SLC38A7: variants seen among roughly 807,000 people sequenced by gnomAD.
SLC38A7 encodes solute carrier family 38 member 7, also known as sodium-coupled neutral amino acid transporter 7.
In SLC38A7, 29 loss-of-function variants were observed where a neutral mutation model predicts 50.1. That is an observed-to-expected ratio of 0.58 (90% CI 0.43 to 0.79). SLC38A7 has a LOEUF of 0.79. SLC38A7 is among the 30% of genes least tolerant of loss of function. The pLI, the probability that SLC38A7 is intolerant of heterozygous loss-of-function variation, is 0.00. For synonymous variants in SLC38A7, 244 were observed against 245.9 expected (o/e 0.99, Z 0.07); for missense variants, 483 against 610.6 (o/e 0.79, Z 2.20).
Position 58,680,096 on chromosome 16 carries a change from T to C in SLC38A7, c.31A>G (p.Ser11Gly). ...GCATCCGTGCTCAAGTCCCACTCGC[T>C]GTAGTCATTGTTGATGCTGACCTGG... is the stretch of plus-strand genomic sequence containing the variant. Reference protein sequence around the residue: MAQVSINNDYSEWDLSTDAGE... With the variant: MAQVSINNDYGEWDLSTDAGE... The change falls in exon 3 of 12, where the codon AGC becomes GGC. Residue 11 changes from serine to glycine, a missense_variant. By Grantham distance (56) the Ser-to-Gly change is moderately conservative. Coordinates refer to ENST00000219320, the MANE Select transcript of SLC38A7 (RefSeq NM_018231.3). 1.3e-6 allele frequency: 2 copies of C among 1,544,752 alleles called. No individual in the cohort carries two copies. The highest frequency in any genetic ancestry group is 1.4e-5 in the African/African-American group (1 of 72,970).
chr16:58,677,631 C>T (rs1359532358), intron 5 of SLC38A7: 4 of 559,412 alleles, frequency 7.2e-6, no homozygotes, highest in Admixed American at 6.0e-5. Context: ...CAACAGGGGA[C>T]CTGATCAGCA....
In SLC38A7 at chr16:58,678,197, C is replaced by A. The variant is rs2044309464; in HGVS notation, c.611+136G>T. 1.0e-5 allele frequency: 10 copies of A among 994,762 alleles called. No individual in the cohort carries two copies. The highest frequency in any genetic ancestry group is 1.4e-5 in the Non-Finnish European group (10 of 708,848). The allele number at this position is 994,762 out of a possible 1,614,324, so 61.6% of individuals were successfully genotyped here. ...TGGTCTTATCTGAAACCCTGCAAGCCCCGGTCTGCCCTGCCTTGCCTACTC... is the reference window on the plus strand; with the variant it reads ...TGGTCTTATCTGAAACCCTGCAAGCACCGGTCTGCCCTGCCTTGCCTACTC... On this transcript the variant is annotated intron_variant, in intron 5 of 11. Coordinates refer to ENST00000219320, the MANE Select transcript of SLC38A7 (RefSeq NM_018231.3). The surrounding 1 kb of genome is among the most constrained non-coding windows in gnomAD (Gnocchi z 4.0).
intron 8 of SLC38A7, among the ~76,000 whole-genome samples, chr16:58,674,713 G>A (rs2152077706): frequency 6.6e-6 from 1 of 152,188 alleles, no homozygotes; most frequent in South Asian, 2.1e-4. Flanking sequence ...CAGGACATGA[G>A]CCCCAGGAGA....
intron 6 of SLC38A7, among the ~76,000 whole-genome samples, chr16:58,676,552 C>T (rs1315172732): frequency 6.6e-6 from 1 of 152,232 alleles, no homozygotes; most frequent in Non-Finnish European, 1.5e-5. Context: ...CAGAAAAGCC[C>T]CCCTGGGGCC....
In SLC38A7 at chr16:58,671,971, A is replaced by G. The variant is rs905562522; in HGVS notation, c.1031+125T>C. On this transcript the variant is annotated intron_variant, in intron 9 of 11. Coordinates refer to ENST00000219320, the MANE Select transcript of SLC38A7 (RefSeq NM_018231.3). ...GGATATGTAGGGACCCATCCTAGGC[A>G]CCGACTCTTTTCTACAGGCTTCAGT... is the stretch of plus-strand genomic sequence containing the variant. 2.5e-6 allele frequency: 3 copies of G among 1,204,946 alleles called. No individual in the cohort carries two copies. In the African/African-American group the frequency reaches 4.7e-5, roughly 19 times the overall value. 74.6% of individuals were successfully genotyped at this position (1,204,946 alleles called of 1,614,324 possible). A position where few individuals can be genotyped will look rare whatever the true frequency, so the allele number is the denominator to read the frequency against.
rs2044134723 is a variant in SLC38A7 at position 58,670,267 on chromosome 16, C to G, written c.1232-100G>C. The G allele has an allele frequency of 6.3e-6, 7 of 1,111,786 alleles. No homozygotes were observed. In the East Asian group the frequency reaches 1.7e-4, roughly 27 times the overall value. The allele number at this position is 1,111,786 out of a possible 1,614,324, so 68.9% of individuals were successfully genotyped here. A position where few individuals can be genotyped will look rare whatever the true frequency, so the allele number is the denominator to read the frequency against. On this transcript the variant is annotated intron_variant, in intron 10 of 11. Coordinates refer to ENST00000219320, the MANE Select transcript of SLC38A7 (RefSeq NM_018231.3). ...AGAAGCAGTGCTGGATGGAGAAAGG[C>G]CCATGTTTACTCTTCTAGAAATTCC...
Position 58,678,445 on chromosome 16 carries a change from C to G in SLC38A7, c.499G>C (p.Gly167Arg), listed in dbSNP as rs199742400. The change falls in exon 5 of 12, where the codon GGG becomes CGG. Residue 167 changes from glycine (G) to arginine (R), a missense_variant. Gly to Arg is a moderately radical substitution (Grantham distance 125). Coordinates refer to ENST00000219320, the MANE Select transcript of SLC38A7 (RefSeq NM_018231.3). The surrounding 1 kb of genome is among the most constrained non-coding windows in gnomAD (Gnocchi z 4.0). ...TCTGTGTACCAAGGGCCGCTGGCCC[C>G]CTCCGGCTCTTTCGCCATCACAGCT... ...IIAVMAKEPE[G>R]ASGPWYTDRK... 1.1e-5 allele frequency: 18 copies of G among 1,569,382 alleles called. No individual in the cohort carries two copies. The highest frequency in any genetic ancestry group is 8.6e-7 in the Non-Finnish European group (1 of 1,158,630).
intron 8 of SLC38A7, 84 bp downstream of exon 8, chr16:58,675,856 A>C (rs2044252852): frequency 9.2e-7 from 1 of 1,083,946 alleles, no homozygotes; most frequent in Non-Finnish European, 1.3e-6. Flanking sequence ...GGCTGTCCCC[A>C]GGAAAGCTAG....
intron 10 of SLC38A7, 106 bp downstream of exon 10, chr16:58,670,939 G>A (rs2044146716): frequency 8.4e-7 from 1 of 1,187,038 alleles, no homozygotes; most frequent in Non-Finnish European, 1.2e-6. Flanking sequence ...ATTAGTGCTG[G>A]TGGTTACTCT....
At chr16:58,670,543 G>GACAA (rs2044138954) in intron 10 of SLC38A7, among the ~76,000 whole-genome samples, 1 of 152,260 alleles carries the variant, frequency 6.6e-6, no homozygotes, top group Non-Finnish European at 1.5e-5. Context: ...AGCTGGAAAA[G>GACAA]GGTGGAACTC....
In SLC38A7 at chr16:58,681,746, C is replaced by T. The variant is rs560327341; in HGVS notation, c.-115-1505G>A. On this transcript the variant is annotated intron_variant, in intron 2 of 11. Coordinates refer to ENST00000219320, the MANE Select transcript of SLC38A7 (RefSeq NM_018231.3). ...TGTTAATATCAGTAAGGGTTTAAGA[C>T]TCAATAAATGGTCACTGCTGCTGTT... 11 of 152,278 alleles carry T rather than the reference C, an allele frequency of 7.2e-5. 1 individual carries two copies. The highest frequency in any genetic ancestry group is 2.4e-4 in the African/African-American group (10 of 41,532). The allele number at this position is 152,278 out of a possible 1,614,324, so 9.4% of individuals were successfully genotyped here. A position where few individuals can be genotyped will look rare whatever the true frequency, so the allele number is the denominator to read the frequency against.
At position 58,675,923 on chromosome 16, in the gene SLC38A7, G is replaced by GA. The variant is rs747638912; in HGVS notation, c.883+16_883+17insT. On this transcript the variant is annotated intron_variant, in intron 8 of 11. Transcript: ENST00000219320. ...AGAGCACTCTAGTCCCAGGTCTTGG[G>GA]GGGGGGGAGCACTCACCTGTCCCCA... 5.2e-6 allele frequency: 8 copies of GA among 1,531,444 alleles called. No individual in the cohort carries two copies. In the Admixed American group the frequency reaches 7.3e-5, roughly 14 times the overall value. The allele number at this position is 1,531,444 out of a possible 1,614,324, so 94.9% of individuals were successfully genotyped here.
At chr16:58,680,309 A>G in intron 2 of SLC38A7, 68 bp from the exon 3 acceptor site, 1 of 628,586 alleles carries the variant, frequency 1.6e-6, no homozygotes, top group Non-Finnish European at 2.4e-6. Flanking sequence ...AAAAGGTGTA[A>G]TAACTTTCCC....
Position 58,667,117 on chromosome 16 carries a change from T to C in SLC38A7, c.*268A>G, listed in dbSNP as rs1302170955. ...CCCGTGGATTCCAGGCATGGAGAAG[T>C]TGAGAACTGGGAGAGGAGGAGGGGT... is the stretch of plus-strand genomic sequence containing the variant. On this transcript the variant is annotated 3_prime_UTR_variant, in exon 12 of 12. Coordinates refer to ENST00000219320, the MANE Select transcript of SLC38A7 (RefSeq NM_018231.3). 5.9e-6 allele frequency: 3 copies of C among 510,616 alleles called. No individual in the cohort carries two copies. Among genetic ancestry groups the C allele is most frequent in the Admixed American group, 3.4e-5 (1 of 29,094 alleles). 31.6% of individuals were successfully genotyped at this position (510,616 alleles called of 1,614,324 possible).
chr16:58,679,596 A>G, intron 3 of SLC38A7: 1 of 552,714 alleles, frequency 1.8e-6, no homozygotes, highest in South Asian at 2.6e-5. Flanking sequence ...CCTCTTTTTA[A>G]ACATACCACA....
In SLC38A7 at chr16:58,678,198, C is replaced by G. The variant is rs2044309537; in HGVS notation, c.611+135G>C. 2 of 1,012,788 alleles carry G rather than the reference C, an allele frequency of 2.0e-6. No individual in the cohort carries two copies. The highest frequency in any genetic ancestry group is 3.3e-5 in the African/African-American group (2 of 61,276). The allele number at this position is 1,012,788 out of a possible 1,614,324, so 62.7% of individuals were successfully genotyped here. A position where few individuals can be genotyped will look rare whatever the true frequency, so the allele number is the denominator to read the frequency against. On this transcript the variant is annotated intron_variant, in intron 5 of 11. Coordinates refer to ENST00000219320, the MANE Select transcript of SLC38A7 (RefSeq NM_018231.3). The surrounding 1 kb of genome is among the most constrained non-coding windows in gnomAD (Gnocchi z 4.0). Reference sequence around the variant, plus strand: ...GGTCTTATCTGAAACCCTGCAAGCCCCGGTCTGCCCTGCCTTGCCTACTCT... The same window carrying G: ...GGTCTTATCTGAAACCCTGCAAGCCGCGGTCTGCCCTGCCTTGCCTACTCT...
Position 58,670,130 on chromosome 16 carries a change from T to A in SLC38A7, c.1269A>T (p.Glu423Asp). 2 of 1,614,168 alleles carry A rather than the reference T, an allele frequency of 1.2e-6. No individual in the cohort carries two copies. Among genetic ancestry groups the A allele is most frequent in the South Asian group, 2.2e-5 (2 of 91,078 alleles). The stretch of plus-strand genomic sequence containing the variant: ...TGCTTTACCTGGCTGGTTTGACCTC[T>A]TCCATCTCAGAGAGTTTGGCTTGAA... ...CLIQAKLSEMEEVKPASWWVL... is the reference protein window; with the variant it reads ...CLIQAKLSEMDEVKPASWWVL... Residue 423 changes from glutamate (E) to aspartate (D), a missense_variant, in exon 11 of 12, where the codon GAA (glutamate) becomes GAT (aspartate). By Grantham distance (45) the Glu-to-Asp change is conservative (BLOSUM62 2). Transcript: ENST00000219320.
chr16:58,675,945 C>T lies in SLC38A7; in HGVS notation c.878G>A (p.Gly293Glu). The T allele has an allele frequency of 6.2e-7, 1 of 1,609,970 alleles. No individual in the cohort carries two copies. The highest frequency in any genetic ancestry group is 1.3e-5 in the African/African-American group (1 of 74,906). ...TGGGGGGGGGGAGCACTCACCTGTC[C>T]CCATGTAGACAGCGAGGGCTATGAC... ...AMVIALAVYM[G>E]TGICGFLTFG... Residue 293 changes from glycine (G) to glutamate (E), a missense_variant, in exon 8 of 12, where the codon GGG becomes GAG. Coordinates refer to ENST00000219320, the MANE Select transcript of SLC38A7 (RefSeq NM_018231.3).
At position 58,667,162 on chromosome 16, in the gene SLC38A7, C is replaced by A; in HGVS notation, c.*223G>T. The A allele has an allele frequency of 1.9e-6, 1 of 524,508 alleles. No homozygotes were observed. Among genetic ancestry groups the A allele is most frequent in the East Asian group, 3.1e-5 (1 of 32,210 alleles). 32.5% of individuals were successfully genotyped at this position (524,508 alleles called of 1,614,324 possible). A position where few individuals can be genotyped will look rare whatever the true frequency, so the allele number is the denominator to read the frequency against. ...AGGGGTCCTCTATGATGTGAGACTT[C>A]CTGCCGCCATCCACGGCACTGCCAG... is the stretch of plus-strand genomic sequence containing the variant. On this transcript the variant is annotated 3_prime_UTR_variant, in exon 12 of 12. Coordinates refer to ENST00000219320, the MANE Select transcript of SLC38A7 (RefSeq NM_018231.3).
Sources: allele counts gnomAD v4.1 joint callset (sites outside exome capture counted in the v4.1 genomes callset), GRCh38; gene constraint gnomAD v4.1.1; non-coding constraint Gnocchi (gnomAD v3.1); transcripts MANE v1.5; gene names NCBI Gene and HGNC (gene_info 2026-07-23, HGNC 2026-07-21).